BICD1: variants seen among roughly 807,000 people sequenced by gnomAD.
The protein encoded by BICD1 is BICD cargo adaptor 1.
In BICD1, 35 loss-of-function variants were observed where a neutral mutation model predicts 92.5. The ratio of observed to expected loss-of-function variants is 0.38; its 90% CI spans 0.29 to 0.50. The LOEUF is 0.50. Ranked by LOEUF, BICD1 falls within the 20% of genes least tolerant of loss-of-function variation. The probability of loss-of-function intolerance (pLI) is 0.93; values close to 1 mark genes in which losing one functional copy is unlikely to be tolerated. For missense variants in BICD1, 950 were observed against 1,189.8 expected (o/e 0.80, Z 2.97); for synonymous variants, 429 against 465.1 (o/e 0.92, Z 1.00).
At position 32,117,758 on chromosome 12, in the gene BICD1, A is replaced by ATTT. The variant is rs1180018434; in HGVS notation, c.213+10221_213+10223dup. Among the ~76,000 whole-genome samples the ATTT allele has an allele frequency of 2.2e-3, 242 of 107,884 alleles. 1 individual carries two copies. Among genetic ancestry groups the ATTT allele is most frequent in the Middle Eastern group, 9.7e-3 (2 of 206 alleles). The allele number at this position is 107,884 out of a possible 152,430, so 70.8% of individuals were successfully genotyped here. A position where few individuals can be genotyped will look rare whatever the true frequency, so the allele number is the denominator to read the frequency against. ...CACATATATATATATATATATATAT[A>ATTT]TTTTTTTTTAAGACCATATTTCGCT... On this transcript the variant is annotated intron_variant, in intron 1 of 9. Transcript: ENST00000652176.
intron 1 of BICD1, among the ~76,000 whole-genome samples, chr12:32,198,332 A>ATCTATC (rs1243687789): frequency 2.8e-5 from 3 of 107,438 alleles, no homozygotes; most frequent in African/African-American, 1.1e-4. Flanking sequence ...GCATCTATCT[A>ATCTATC]TATATATATA....
chr12:32,255,202 T>A (rs1946682441), intron 2 of BICD1, among the ~76,000 whole-genome samples: 1 of 152,158 alleles, frequency 6.6e-6, no homozygotes, highest in South Asian at 2.1e-4. Context: ...GATTCGCTGA[T>A]GTCTCTTCAT....
chr12:32,327,477 C>T lies in BICD1; in HGVS notation c.1022C>T (p.Ala341Val). Residue 341 changes from alanine to valine, a missense_variant, in exon 5 of 10, where the codon GCC becomes GTC. Around this residue, in one of 5 missense-constraint regions of BICD1, gnomAD observed 246 missense variants for 258.4 expected, o/e 0.95. Transcript: ENST00000652176. ...QQLMQVEREK[A>V]ILLANLQESQ... ...CCATTGCAGGTAGAGCGGGAAAAGGCCATTCTTTTGGCCAACCTACAGGAG... is the reference window on the plus strand; with the variant it reads ...CCATTGCAGGTAGAGCGGGAAAAGGTCATTCTTTTGGCCAACCTACAGGAG... 1.2e-6 allele frequency: 2 copies of T among 1,600,494 alleles called. No individual in the cohort carries two copies. Among genetic ancestry groups the T allele is most frequent in the Non-Finnish European group, 1.7e-6 (2 of 1,171,510 alleles).
chr12:32,338,567 C>T (rs1470496191), intron 7 of BICD1: 2 of 432,242 alleles, frequency 4.6e-6, no homozygotes, highest in East Asian at 4.3e-5. Context: ...TTCAAGCTGA[C>T]TAACTGTAAT....
At chr12:32,133,761 A>G (rs1189372667) in intron 1 of BICD1, among the ~76,000 whole-genome samples, 1 of 150,302 alleles carries the variant, frequency 6.7e-6, no homozygotes, top group African/African-American at 2.4e-5. Context: ...AACTTTATCC[A>G]GTTTCTGAAA....
At position 32,278,808 on chromosome 12, in the gene BICD1, A is replaced by G. The variant is rs565657860; in HGVS notation, c.427-15186A>G. ...AGGGCGGAGCTTGCAGTGAGCCGAG[A>G]TTGCGCCACTGCACGCCAGCCTGGG... On this transcript the variant is annotated intron_variant, in intron 2 of 9. Transcript: ENST00000652176. Among the ~76,000 whole-genome samples, 3 of 152,362 alleles carry G rather than the reference A, an allele frequency of 2.0e-5. No individual in the cohort carries two copies. The East Asian group carries it at 5.8e-4, about 29-fold the overall frequency.
At chr12:32,118,480 G>GA (rs377644268) in intron 1 of BICD1, among the ~76,000 whole-genome samples, 105 of 151,838 alleles carry the variant, frequency 6.9e-4, no homozygotes, top group African/African-American at 2.3e-3. Context: ...AAAATATTTG[G>GA]AAAAAAAATT....
intron 1 of BICD1, among the ~76,000 whole-genome samples, chr12:32,165,676 C>A (rs184514): frequency 2.8e-5 from 3 of 105,564 alleles, no homozygotes; most frequent in Non-Finnish European, 3.8e-5. Flanking sequence ...GAGCCAGACT[C>A]TGTCTCAAAA....
chr12:32,245,244 TTTTTTG>T (rs942206595), intron 2 of BICD1, among the ~76,000 whole-genome samples: 11 of 112,218 alleles, frequency 9.8e-5, no homozygotes, highest in Non-Finnish European at 2.1e-4. Context: ...CTTAGTTTTG[TTTTTTG>T]TTTTTTTTTT....
chr12:32,111,189 C>T (rs1941678566), intron 1 of BICD1, among the ~76,000 whole-genome samples: 1 of 152,176 alleles, frequency 6.6e-6, no homozygotes, highest in Non-Finnish European at 1.5e-5. Flanking sequence ...AACCCATTTT[C>T]TTGCTTATTT....
At chr12:32,158,800 A>C (rs551597012) in intron 1 of BICD1, among the ~76,000 whole-genome samples, 2 of 152,284 alleles carry the variant, frequency 1.3e-5, no homozygotes, top group East Asian at 3.9e-4. Context: ...TCAAAGGCAA[A>C]AATTGTGTTC....
intron 1 of BICD1, among the ~76,000 whole-genome samples, chr12:32,168,309 GTT>G: frequency 6.6e-6 from 1 of 152,064 alleles, no homozygotes; most frequent in Non-Finnish European, 1.5e-5. Flanking sequence ...TTTTTATTTT[GTT>G]TTGTTTCTTG....
At chr12:32,137,359 G>A (rs1267462370) in intron 1 of BICD1, among the ~76,000 whole-genome samples, 2 of 152,150 alleles carry the variant, frequency 1.3e-5, no homozygotes, top group Non-Finnish European at 2.9e-5. Flanking sequence ...AAAGTGCTGG[G>A]ATTACAGGCA....
rs150279602 is a variant in BICD1, at chr12:32,141,297, T to G, written c.213+33753T>G. On this transcript the variant is annotated intron_variant, in intron 1 of 9. Transcript: ENST00000652176. Reference sequence around the variant, plus strand: ...TTATTCAAGGCCTTGTTATCTAGTTTATAGCTTATTCAGAATTTATATTTC... The same window carrying G: ...TTATTCAAGGCCTTGTTATCTAGTTGATAGCTTATTCAGAATTTATATTTC... 1.8e-3 allele frequency among the ~76,000 whole-genome samples: 278 copies of G among 150,690 alleles called. 2 individuals are homozygous for G. Among genetic ancestry groups the G allele is most frequent in the African/African-American group, 6.4e-3 (260 of 40,710 alleles).
chr12:32,273,618 G>T (rs777300114), intron 2 of BICD1, among the ~76,000 whole-genome samples: 2 of 152,210 alleles, frequency 1.3e-5, no homozygotes, highest in African/African-American at 4.8e-5. Flanking sequence ...CAGTAATAAT[G>T]ATCAGCTAGT....
intron 2 of BICD1, among the ~76,000 whole-genome samples, chr12:32,226,948 C>T (rs1172184234): frequency 6.6e-6 from 1 of 152,176 alleles, no homozygotes; most frequent in African/African-American, 2.4e-5. Flanking sequence ...GTTGGCCTCC[C>T]ACAGCTTGGC....
intron 1 of BICD1, among the ~76,000 whole-genome samples, chr12:32,113,910 C>T (rs1012236254): frequency 6.6e-5 from 10 of 151,532 alleles, no homozygotes; most frequent in East Asian, 5.9e-4. Context: ...CTCGCTCTGT[C>T]GCCTAGGCTG....
chr12:32,308,279 A>G (rs545068166), intron 4 of BICD1, among the ~76,000 whole-genome samples: 1 of 152,290 alleles, frequency 6.6e-6, no homozygotes, highest in South Asian at 2.1e-4. Context: ...ATCCCAACTC[A>G]TGAGATGCTG....
intron 1 of BICD1, among the ~76,000 whole-genome samples, chr12:32,157,889 G>A (rs1943486096): frequency 6.6e-6 from 1 of 152,068 alleles, no homozygotes; most frequent in Admixed American, 6.5e-5. Flanking sequence ...TGCCTGTTTA[G>A]GTCCTGGCTC....
Sources: gnomAD v4.1 joint callset for allele counts (sites outside exome capture counted in the v4.1 genomes callset) on GRCh38, gnomAD v4.1.1 for gene constraint, gnomAD v4.1.1 regional missense constraint, MANE v1.5 for transcripts, NCBI Gene and HGNC (gene_info 2026-07-23, HGNC 2026-07-21) for gene names.